GNS: variants seen among roughly 807,000 people sequenced by gnomAD.
GNS encodes N-acetylglucosamine-6-sulfatase.
GNS carries 40 observed loss-of-function variants against 69.7 expected under a neutral mutation model. The ratio of observed to expected loss-of-function variants is 0.57; its 90% CI spans 0.45 to 0.75. The LOEUF (loss-of-function observed/expected upper bound fraction) is 0.75, where lower values mean the gene tolerates loss of function less well. Ranked by LOEUF, GNS falls within the 30% of genes least tolerant of loss-of-function variation. The pLI, the probability that GNS is intolerant of heterozygous loss-of-function variation, is 0.00. For synonymous variants in GNS, 243 were observed against 251.6 expected, an observed-to-expected ratio of 0.97 and a Z score of 0.32; for missense variants, 565 against 685.5, an observed-to-expected ratio of 0.82 and a Z score of 1.96.
intron 13 of GNS, among the ~76,000 whole-genome samples, chr12:64,717,854 A>C (rs1868914715): frequency 6.6e-6 from 1 of 152,210 alleles, no homozygotes; most frequent in Admixed American, 6.5e-5. Context: ...TGGGCCTGGC[A>C]CTATCCTTGG....
rs552504596 is a variant in GNS at position 64,747,076 on chromosome 12, G to T, written c.459+636C>A. On this transcript the variant is annotated intron_variant, in intron 3 of 13. Transcript: ENST00000258145. ...TGGGTAAAAGCTAAGGCCAATGTGT[G>T]AATGTGGGCACATGGAATCCAGCCT... Among the ~76,000 whole-genome samples, 8 of 152,306 alleles carry T rather than the reference G, an allele frequency of 5.3e-5. No homozygotes were observed. The South Asian group carries it at 1.5e-3, about 28-fold the overall frequency.
rs769308458 is a variant in GNS, at chr12:64,737,054, C to T, written c.1048G>A (p.Val350Ile). ...KRQLYEFDIKVPLLVRGPGIK... is the reference protein window; with the variant it reads ...KRQLYEFDIKIPLLVRGPGIK... Reference sequence around the variant, plus strand: ...CCAGGTCCTCGAACCAACAGTGGAACTTTGATATCAAACTCATACAGCTGT... The same window carrying T: ...CCAGGTCCTCGAACCAACAGTGGAATTTTGATATCAAACTCATACAGCTGT... The change falls in exon 9 of 14, where the codon GTT becomes ATT. Residue 350 changes from valine (V) to isoleucine (I), a missense_variant. By Grantham distance (29) the Val-to-Ile change is conservative. This residue lies in a region of GNS where 384 missense variants were observed against 511.0 expected (regional missense o/e 0.75). Coordinates refer to ENST00000258145, the MANE Select transcript of GNS (RefSeq NM_002076.4). 1.1e-5 allele frequency: 18 copies of T among 1,605,578 alleles called. No homozygotes were observed. Among genetic ancestry groups the T allele is most frequent in the Non-Finnish European group, 1.5e-5 (18 of 1,172,270 alleles).
In GNS at chr12:64,717,249, T is replaced by C. The variant is rs116231424; in HGVS notation, c.1581-430A>G. Among the ~76,000 whole-genome samples the C allele has an allele frequency of 4.5e-3, 692 of 152,282 alleles. 3 individuals are homozygous for C. Among genetic ancestry groups the C allele is most frequent in the African/African-American group, 0.016 (670 of 41,542 alleles). On this transcript the variant is annotated intron_variant, in intron 13 of 13. Coordinates refer to ENST00000258145, the MANE Select transcript of GNS (RefSeq NM_002076.4). ...AAGAGAAGCCATAAAGTGCTTCCTT[T>C]AAGTGAAAAAGTGAACGCTCTTGAC...
Position 64,716,276 on chromosome 12 carries a change from TTA to T in GNS, c.*463_*464del, listed in dbSNP as rs1288986173. The T allele has an allele frequency of 4.6e-5, 10 of 219,690 alleles. No homozygotes were observed. The highest frequency in any genetic ancestry group is 7.5e-5 in the Non-Finnish European group (8 of 107,180). The allele number at this position is 219,690 out of a possible 1,614,324, so 13.6% of individuals were successfully genotyped here. The stretch of plus-strand genomic sequence containing the variant: ...TGGTTACTCTTCAAGCCATGTGATG[TTA>T]GTATTTTTGATAGTGAAGTGCTCAA... On this transcript the variant is annotated 3_prime_UTR_variant, in exon 14 of 14. Transcript: ENST00000258145.
At chr12:64,742,983 A>G (rs1372254322) in intron 6 of GNS, among the ~76,000 whole-genome samples, 158 bp downstream of exon 6, 1 of 152,222 alleles carries the variant, frequency 6.6e-6, no homozygotes, top group African/African-American at 2.4e-5. Context: ...TGTACTTGCA[A>G]TGCAAGTTTA....
At chr12:64,739,640 A>C (rs1367379274) in intron 7 of GNS, 141 bp from the exon 8 acceptor site, 5 of 631,262 alleles carry the variant, frequency 7.9e-6, no homozygotes, top group Non-Finnish European at 1.4e-5. Context: ...CCCCCGTTTA[A>C]AAAAAAAAAA....
Position 64,743,093 on chromosome 12 carries a change from A to G in GNS, c.792+48T>C, listed in dbSNP as rs185872421. 4.0e-5 allele frequency: 55 copies of G among 1,373,630 alleles called. No individual in the cohort carries two copies. In the East Asian group the frequency reaches 1.1e-3, roughly 27 times the overall value. 85.1% of individuals were successfully genotyped at this position (1,373,630 alleles called of 1,614,324 possible). ...AGGCTTCCTGACAAGTATACCATAT[A>G]GTTAATGATACTTAGTATGGCTGAA... On this transcript the variant is annotated intron_variant, in intron 6 of 13. Coordinates refer to ENST00000258145, the MANE Select transcript of GNS (RefSeq NM_002076.4).
At position 64,759,314 on chromosome 12, in the gene GNS, G is replaced by GA; in HGVS notation, c.-39dup. On this transcript the variant is annotated 5_prime_UTR_variant, in exon 1 of 14. Coordinates refer to ENST00000258145, the MANE Select transcript of GNS (RefSeq NM_002076.4). ...CCGGGGTGACCCCGGGACGGGACGG[G>GA]ACGGAGGGACGCACAGGTAGCTGAA... The GA allele has an allele frequency of 7.4e-7, 1 of 1,358,586 alleles. No homozygotes were observed. Among genetic ancestry groups the GA allele is most frequent in the Non-Finnish European group, 9.8e-7 (1 of 1,019,808 alleles). The allele number at this position is 1,358,586 out of a possible 1,614,324, so 84.2% of individuals were successfully genotyped here. A position where few individuals can be genotyped will look rare whatever the true frequency, so the allele number is the denominator to read the frequency against.
At chr12:64,750,983 C>T (rs907994375) in intron 2 of GNS, among the ~76,000 whole-genome samples, 5 of 152,162 alleles carry the variant, frequency 3.3e-5, no homozygotes, top group African/African-American at 7.2e-5. Context: ...TCTTACCACT[C>T]GCATCATTTT....
intron 10 of GNS, among the ~76,000 whole-genome samples, chr12:64,728,230 C>G (rs1344660583): frequency 6.6e-6 from 1 of 152,156 alleles, no homozygotes; most frequent in Non-Finnish European, 1.5e-5. Context: ...CTGGCCGACA[C>G]TTTAAATGAG....
chr12:64,745,545 T>A (rs1942602852), intron 4 of GNS, 114 bp downstream of exon 4: 2 of 816,208 alleles, frequency 2.5e-6, no homozygotes, highest in South Asian at 2.7e-5. Context: ...TTAAGGTTTT[T>A]AAAATGACTA....
chr12:64,728,095 T>C (rs1869265749), intron 10 of GNS, among the ~76,000 whole-genome samples: 1 of 152,086 alleles, frequency 6.6e-6, no homozygotes. Flanking sequence ...AGCTTGTTTT[T>C]TGTATTTTTA....
At chr12:64,754,865 G>A (rs1870198475) in intron 1 of GNS, among the ~76,000 whole-genome samples, 1 of 151,232 alleles carries the variant, frequency 6.6e-6, no homozygotes, top group South Asian at 2.1e-4. Context: ...ATCTAGCCTA[G>A]GCAAGAAGAG....
rs1320537279 is a variant in GNS, at chr12:64,758,864, C to CT, written c.192+220dup. Among the ~76,000 whole-genome samples the CT allele has an allele frequency of 3.3e-5, 5 of 152,188 alleles. No individual in the cohort carries two copies. In the East Asian group the frequency reaches 5.8e-4, roughly 18 times the overall value. On this transcript the variant is annotated intron_variant, in intron 1 of 13. Transcript: ENST00000258145. ...AAACTCCACAGCAGTACGGTCCAGA[C>CT]TAGAAGCTCTGTGTGCTGTACGCAT...
At position 64,747,843 on chromosome 12, in the gene GNS, C is replaced by A; in HGVS notation, c.328G>T (p.Val110Leu). 1 of 1,610,376 alleles carries A rather than the reference C, an allele frequency of 6.2e-7. No individual in the cohort carries two copies. Among genetic ancestry groups the A allele is most frequent in the Non-Finnish European group, 8.5e-7 (1 of 1,176,586 alleles). Residue 110 changes from valine (V) to leucine (L), a missense_variant, in exon 3 of 14, where the codon GTG becomes TTG. By Grantham distance (32) the Val-to-Leu change is conservative. This residue lies in a region of GNS where 181 missense variants were observed against 174.4 expected (regional missense o/e 1.04). Transcript: ENST00000258145. ...CAGTTCCCCTCCAGAGTGTTGTTCA[C>A]AACGTGATGATTATGTGGGTACTTT... ...TGKYPHNHHVVNNTLEGNCSS... is the reference protein window; with the variant it reads ...TGKYPHNHHVLNNTLEGNCSS...
Position 64,737,127 on chromosome 12 carries a change from T to G in GNS, c.995-20A>C. ...ACTGTCCTGAAAACAAAACACACAA[T>G]GTAAAGATGGAGCCAAGACAGGAGC... On this transcript the variant is annotated intron_variant, in intron 8 of 13. Transcript: ENST00000258145. 8.2e-7 allele frequency: 1 copy of G among 1,222,332 alleles called. No homozygotes were observed. Among genetic ancestry groups the G allele is most frequent in the Non-Finnish European group, 1.2e-6 (1 of 822,158 alleles). The allele number at this position is 1,222,332 out of a possible 1,614,324, so 75.7% of individuals were successfully genotyped here.
At chr12:64,743,468 A>G (rs1869809539) in intron 5 of GNS, among the ~76,000 whole-genome samples, 160 bp from the exon 6 acceptor site, 1 of 152,372 alleles carries the variant, frequency 6.6e-6, no homozygotes, top group Middle Eastern at 3.4e-3. Context: ...ATATTGTTGG[A>G]ACAAATATAT....
At chr12:64,752,585 G>T in intron 2 of GNS, 113 bp downstream of exon 2, 1 of 688,186 alleles carries the variant, frequency 1.5e-6, no homozygotes, top group Non-Finnish European at 2.7e-6. Flanking sequence ...TTCAGATCAG[G>T]CATTTAACAA....
intron 9 of GNS, among the ~76,000 whole-genome samples, chr12:64,732,209 C>T (rs1367156759): frequency 7.6e-6 from 1 of 131,654 alleles, no homozygotes; most frequent in African/African-American, 2.9e-5. Context: ...ACTCTGTCAC[C>T]CAGGCTGGAG....
Sources: gnomAD v4.1 joint callset for allele counts (sites outside exome capture counted in the v4.1 genomes callset) on GRCh38, gnomAD v4.1.1 for gene constraint, gnomAD v4.1.1 regional missense constraint, MANE v1.5 for transcripts, NCBI Gene and HGNC (gene_info 2026-07-23, HGNC 2026-07-21) for gene names.